Variants in SLC12A1 observed in about 807,000 individuals in gnomAD.
SLC12A1 encodes the protein solute carrier family 12 member 1, also known as Na-K-2Cl cotransporter.
A neutral mutation model predicts 130.4 loss-of-function variants in SLC12A1; 89 were observed. The observed-to-expected ratio is 0.68, with a 90% CI of 0.58 to 0.81. The LOEUF (loss-of-function observed/expected upper bound fraction) is 0.81. Among genes scored for constraint, SLC12A1 ranks in the 40% least tolerant of loss-of-function variants. The pLI, the probability that SLC12A1 is intolerant of heterozygous loss-of-function variation, is 0.00. For missense variants in SLC12A1, 1,310 were observed against 1,336.4 expected (o/e 0.98, Z 0.31); for synonymous variants, 499 against 460.0 (o/e 1.08, Z -1.09).
chr15:48,287,734 A>T (rs781501834), intron 21 of SLC12A1, among the ~76,000 whole-genome samples: 1 of 152,218 alleles, frequency 6.6e-6, no homozygotes, highest in Non-Finnish European at 1.5e-5. Context: ...TGCATGCCTA[A>T]ATAATAACTC....
intron 15 of SLC12A1, among the ~76,000 whole-genome samples, chr15:48,252,152 G>A (rs944083985): frequency 2.6e-5 from 4 of 151,356 alleles, no homozygotes; most frequent in Non-Finnish European, 4.4e-5. Flanking sequence ...GCAGTGAGCC[G>A]AGATCACACC....
At chr15:48,301,268 A>T in intron 25 of SLC12A1, 47 bp from the exon 26 acceptor site, 2 of 1,257,288 alleles carry the variant, frequency 1.6e-6, no homozygotes, top group Non-Finnish European at 2.3e-6. Flanking sequence ...ATTCTCATTC[A>T]TAATTCTGGT....
rs1263055095 is a variant in SLC12A1, at chr15:48,269,736, G to A, written c.2374G>A (p.Glu792Lys). Reference protein sequence around the residue: ...KKNWRKAPLTEIENYVGIIHD... With the variant: ...KKNWRKAPLTKIENYVGIIHD... ...AAACTGGAGGAAAGCTCCCTTGACA[G>A]AGATTGAGAACTACGTGGGAATCAT... is the stretch of plus-strand genomic sequence containing the variant. The change falls in exon 19 of 27, where the codon GAG becomes AAG. Residue 792 changes from glutamate (E) to lysine (K), a missense_variant. Physicochemically the swap from Glu to Lys is moderately conservative, Grantham distance 56 (BLOSUM62 1). Transcript: ENST00000380993. The A allele has an allele frequency of 6.2e-7, 1 of 1,607,460 alleles. No homozygotes were observed. Among genetic ancestry groups the A allele is most frequent in the Non-Finnish European group, 8.5e-7 (1 of 1,174,290 alleles).
At chr15:48,295,412 A>G (rs2042167597) in intron 24 of SLC12A1, among the ~76,000 whole-genome samples, 1 of 152,076 alleles carries the variant, frequency 6.6e-6, no homozygotes, top group Non-Finnish European at 1.5e-5. Flanking sequence ...CACCCTGCAT[A>G]GCCATCCTTT....
chr15:48,296,070 G>GA (rs1294527611), intron 24 of SLC12A1, among the ~76,000 whole-genome samples: 1 of 152,210 alleles, frequency 6.6e-6, no homozygotes, highest in Non-Finnish European at 1.5e-5. Flanking sequence ...AAGGCTTAGA[G>GA]AATAGAACAC....
intron 4 of SLC12A1, chr15:48,226,214 C>T (rs1458339719): frequency 2.7e-5 from 11 of 401,028 alleles, no homozygotes; most frequent in Non-Finnish European, 4.3e-5. Flanking sequence ...TCTCCCAGGA[C>T]ACCAGCATAA....
At position 48,240,114 on chromosome 15, in the gene SLC12A1, T is replaced by TCC. The variant is rs575263353; in HGVS notation, c.1216-1401_1216-1400insCC. ...ATCCATATATATATATATATATCCA[T>TCC]ATATATATATATAATATGCATAAAT... On this transcript the variant is annotated intron_variant, in intron 9 of 26. Transcript: ENST00000380993. Among the ~76,000 whole-genome samples the TCC allele has an allele frequency of 9.7e-5, 12 of 123,882 alleles. 1 individual carries two copies. The highest frequency in any genetic ancestry group is 2.5e-4 in the African/African-American group (7 of 28,092). The allele number at this position is 123,882 out of a possible 152,430, so 81.3% of individuals were successfully genotyped here.
At chr15:48,299,732 T>C (rs1459267824) in intron 25 of SLC12A1, among the ~76,000 whole-genome samples, 1 of 152,218 alleles carries the variant, frequency 6.6e-6, no homozygotes, top group Non-Finnish European at 1.5e-5. Context: ...ACAATGAATA[T>C]GGAAGCTGGA....
chr15:48,268,954 T>C (rs1017133815), intron 18 of SLC12A1, among the ~76,000 whole-genome samples: 3 of 152,170 alleles, frequency 2.0e-5, no homozygotes, highest in Non-Finnish European at 2.9e-5. Context: ...GTAGAAAATT[T>C]GAACATGCAT....
At chr15:48,231,687 T>A (rs12910492) in intron 7 of SLC12A1, among the ~76,000 whole-genome samples, 3 of 151,726 alleles carry the variant, frequency 2.0e-5, no homozygotes, top group South Asian at 2.1e-4. Context: ...AATCTGCAAC[T>A]GCTCTATTGT....
intron 20 of SLC12A1, among the ~76,000 whole-genome samples, chr15:48,279,324 T>C (rs547553930): frequency 1.6e-4 from 25 of 152,222 alleles, no homozygotes; most frequent in African/African-American, 2.4e-4. Context: ...ATTGTCATCA[T>C]AGCTTTTCCA....
At chr15:48,219,898 C>CA (rs372199752) in intron 2 of SLC12A1, among the ~76,000 whole-genome samples, 4 of 151,604 alleles carry the variant, frequency 2.6e-5, no homozygotes, top group Non-Finnish European at 5.9e-5. Flanking sequence ...ACAAAAAATA[C>CA]AAAAAATTAG....
intron 23 of SLC12A1, among the ~76,000 whole-genome samples, chr15:48,290,029 C>T (rs544716393): frequency 2.6e-5 from 4 of 152,214 alleles, no homozygotes; most frequent in African/African-American, 9.6e-5. Context: ...AGCTTTTGAC[C>T]CTTTTGTAAT....
Position 48,301,170 on chromosome 15 carries a change from A to T in SLC12A1, c.3097-145A>T, listed in dbSNP as rs557620412. The T allele has an allele frequency of 5.9e-6, 4 of 672,352 alleles. No homozygotes were observed. The East Asian group carries it at 1.1e-4, about 19-fold the overall frequency. The allele number at this position is 672,352 out of a possible 1,614,324, so 41.6% of individuals were successfully genotyped here. On this transcript the variant is annotated intron_variant, in intron 25 of 26. Transcript: ENST00000380993. ...ATTTCTCATGAGGTTTTAAAACACC[A>T]TAAGTTTCTAAGCCTGAAAAAGTAA...
At position 48,303,155 on chromosome 15, in the gene SLC12A1, G is replaced by A; in HGVS notation, c.*270G>A. 3.7e-6 allele frequency: 1 copy of A among 271,552 alleles called. No homozygotes were observed. The highest frequency in any genetic ancestry group is 6.9e-6 in the Non-Finnish European group (1 of 145,814). The allele number at this position is 271,552 out of a possible 1,614,324, so 16.8% of individuals were successfully genotyped here. On this transcript the variant is annotated 3_prime_UTR_variant, in exon 27 of 27. Transcript: ENST00000380993. ...CAAGAAAATCAAGGAAACTCATGTT[G>A]GCTTATGCTCATGAAAACCACCAAT... is the stretch of plus-strand genomic sequence containing the variant.
At chr15:48,248,215 T>G (rs1439040935) in intron 13 of SLC12A1, among the ~76,000 whole-genome samples, 1 of 152,218 alleles carries the variant, frequency 6.6e-6, no homozygotes, top group Non-Finnish European at 1.5e-5. Context: ...CAATGAGGGC[T>G]CCTCATCATT....
At chr15:48,265,801 A>C (rs916611088) in intron 17 of SLC12A1, among the ~76,000 whole-genome samples, 2 of 152,210 alleles carry the variant, frequency 1.3e-5, no homozygotes, top group African/African-American at 4.8e-5. Flanking sequence ...GGGACCCCAG[A>C]GATTGAATGT....
chr15:48,234,071 C>A (rs921907402), intron 8 of SLC12A1, among the ~76,000 whole-genome samples: 5 of 152,150 alleles, frequency 3.3e-5, no homozygotes, highest in Non-Finnish European at 7.3e-5. Context: ...TAAAGAGATT[C>A]ATGCATTAGT....
intron 15 of SLC12A1, among the ~76,000 whole-genome samples, chr15:48,252,207 AAATAAGAATAAG>A (rs145864539): frequency 2.6e-5 from 4 of 152,046 alleles, no homozygotes; most frequent in African/African-American, 9.7e-5. Flanking sequence ...CTGTCTCAAA[AAATAAGAATAAG>A]AATAAGAATA....
Sources: gnomAD v4.1 joint callset for allele counts (sites outside exome capture counted in the v4.1 genomes callset) on GRCh38, gnomAD v4.1.1 for gene constraint, MANE v1.5 for transcripts, NCBI Gene and HGNC (gene_info 2026-07-23, HGNC 2026-07-21) for gene names.